DYNC2I1: variants seen among roughly 807,000 people sequenced by gnomAD.
The protein encoded by DYNC2I1 is dynein 2 intermediate chain 1.
In DYNC2I1, 89 loss-of-function variants were observed where a neutral mutation model predicts 133.4. The ratio of observed to expected loss-of-function variants is 0.67; its 90% confidence interval spans 0.56 to 0.80. DYNC2I1 has a LOEUF of 0.80. Ranked by LOEUF, DYNC2I1 falls within the 30% of genes least tolerant of loss-of-function variation. The pLI is 0.00. For missense variants in DYNC2I1, 1,291 were observed against 1,314.5 expected, an observed-to-expected ratio of 0.98 and a Z score of 0.28; for synonymous variants, 504 against 484.3, an observed-to-expected ratio of 1.04 and a Z score of -0.54.
intron 11 of DYNC2I1, among the ~76,000 whole-genome samples, chr7:158,907,669 G>C (rs117538909): frequency 2.0e-5 from 3 of 152,110 alleles, no homozygotes; most frequent in African/African-American, 7.2e-5. Flanking sequence ...GAATGCAGTG[G>C]CATGATCTTG....
chr7:158,931,710 T>G (rs938941230), intron 21 of DYNC2I1, among the ~76,000 whole-genome samples: 2 of 152,356 alleles, frequency 1.3e-5, no homozygotes, highest in Middle Eastern at 6.8e-3. Flanking sequence ...TAGCAGTGTC[T>G]TCCTGAGATC....
At chr7:158,906,185 T>TAGTGG in intron 11 of DYNC2I1, 94 bp downstream of exon 11, 5 of 1,076,472 alleles carry the variant, frequency 4.6e-6, no homozygotes, top group Non-Finnish European at 6.8e-6. Flanking sequence ...AAAATGCATT[T>TAGTGG]TTACTACTGT....
chr7:158,942,153 G>C lies in DYNC2I1; in HGVS notation c.3002+5G>C, dbSNP rs1248974704. The C allele has an allele frequency of 2.0e-6, 3 of 1,534,442 alleles. No homozygotes were observed. The Admixed American group carries it at 5.8e-5, about 29-fold the overall frequency. On this transcript the variant is annotated splice_donor_5th_base_variant and intron_variant, in intron 24 of 24. Transcript: ENST00000407559. ...ACAGCAGGTCTCCCCCAACAGGCAA[G>C]TGGGGAAGCTCTGGACCAGCTGCTG...
chr7:158,860,740 G>T (rs1049124534), intron 1 of DYNC2I1, among the ~76,000 whole-genome samples: 2 of 152,172 alleles, frequency 1.3e-5, no homozygotes, highest in African/African-American at 4.8e-5. Context: ...ATCATAGCTT[G>T]AAAAATGTAG....
intron 11 of DYNC2I1, among the ~76,000 whole-genome samples, chr7:158,909,656 G>A (rs931645905): frequency 1.3e-5 from 2 of 152,134 alleles, no homozygotes; most frequent in Non-Finnish European, 2.9e-5. Flanking sequence ...TGAATATACC[G>A]GAGCAACCAA....
intron 8 of DYNC2I1, among the ~76,000 whole-genome samples, chr7:158,900,476 T>G (rs1316003788): frequency 6.6e-6 from 1 of 152,166 alleles, no homozygotes; most frequent in Non-Finnish European, 1.5e-5. Flanking sequence ...CCATCTGGCT[T>G]CTTTCAGGAT....
rs1430349758 is a variant in DYNC2I1, at chr7:158,880,789, A to G, written c.879+800A>G. ...CTTAGGATTTTCCTAGAGGTGTTTT[A>G]GCACCTTTTGTTCTCATGAGTGTGC... On this transcript the variant is annotated intron_variant, in intron 5 of 24. Transcript: ENST00000407559. Among the ~76,000 whole-genome samples, 3 of 152,158 alleles carry G rather than the reference A, an allele frequency of 2.0e-5. No homozygotes were observed. The East Asian group carries it at 5.8e-4, about 29-fold the overall frequency.
At position 158,926,429 on chromosome 7, in the gene DYNC2I1, C is replaced by G. The variant is rs776607015; in HGVS notation, c.2399C>G (p.Ala800Gly). The G allele has an allele frequency of 5.6e-6, 9 of 1,613,402 alleles. No homozygotes were observed. The highest frequency in any genetic ancestry group is 1.6e-4 in the Middle Eastern group (1 of 6,076). Reference protein sequence around the residue: ...EEMSGLSFHIASLDESGVLNV... With the variant: ...EEMSGLSFHIGSLDESGVLNV... Reference sequence around the variant, plus strand: ...ATGTCAGGTTTGTCCTTCCACATCGCTTCCTTGGATGAGAGTGGGGTTCTC... The same window carrying G: ...ATGTCAGGTTTGTCCTTCCACATCGGTTCCTTGGATGAGAGTGGGGTTCTC... Residue 800 changes from alanine (A) to glycine (G), a missense_variant, in exon 19 of 25, where the codon GCT (alanine) becomes GGT (glycine). Ala to Gly is a moderately conservative substitution (Grantham distance 60). Coordinates refer to ENST00000407559, the MANE Select transcript of DYNC2I1 (RefSeq NM_018051.5).
chr7:158,936,764 A>G (rs1850797833), intron 23 of DYNC2I1, among the ~76,000 whole-genome samples: 1 of 152,234 alleles, frequency 6.6e-6, no homozygotes, highest in African/African-American at 2.4e-5. Flanking sequence ...TGACACAGGC[A>G]GGGAGACTTC....
rs560949128 is a variant in DYNC2I1 at position 158,887,912 on chromosome 7, T to C, written c.990+837T>C. Among the ~76,000 whole-genome samples, 170 of 152,318 alleles carry C rather than the reference T, an allele frequency of 1.1e-3. 1 individual carries two copies. Among genetic ancestry groups the C allele is most frequent in the Non-Finnish European group, 2.0e-3 (135 of 68,024 alleles). On this transcript the variant is annotated intron_variant, in intron 7 of 24. Coordinates refer to ENST00000407559, the MANE Select transcript of DYNC2I1 (RefSeq NM_018051.5). ...CATCAGCGTTTCTCCACAGTCTTCATTATCTTCACTGTCTCCATTAGGATC... is the reference window on the plus strand; with the variant it reads ...CATCAGCGTTTCTCCACAGTCTTCACTATCTTCACTGTCTCCATTAGGATC...
At chr7:158,889,650 C>G (rs550243651) in intron 7 of DYNC2I1, among the ~76,000 whole-genome samples, 1 of 151,668 alleles carries the variant, frequency 6.6e-6, no homozygotes, top group Non-Finnish European at 1.5e-5. Context: ...GCCAGATGTT[C>G]GAGACCAGCC....
chr7:158,841,158 A>AATATATAT, the DYNC2I1 span, among the ~76,000 whole-genome samples: 2 of 66,494 alleles, frequency 3.0e-5, no homozygotes, highest in Non-Finnish European at 5.7e-5. Flanking sequence ...TAGGTCTGCA[A>AATATATAT]ATATATATAT....
chr7:158,887,567 G>A (rs1392669005), intron 7 of DYNC2I1, among the ~76,000 whole-genome samples: 1 of 152,186 alleles, frequency 6.6e-6, no homozygotes, highest in East Asian at 1.9e-4. Context: ...ATATTTTATG[G>A]TAACAAATTA....
the DYNC2I1 span, among the ~76,000 whole-genome samples, chr7:158,840,256 A>G: frequency 6.6e-6 from 1 of 152,128 alleles, no homozygotes; most frequent in Non-Finnish European, 1.5e-5. Context: ...TACAAAAAAA[A>G]AAATCAGAAA....
intron 20 of DYNC2I1, among the ~76,000 whole-genome samples, chr7:158,929,280 T>C (rs1205929813): frequency 6.6e-6 from 1 of 152,240 alleles, no homozygotes; most frequent in Non-Finnish European, 1.5e-5. Context: ...AAATGTTCTC[T>C]GCATAAGCGA....
intron 15 of DYNC2I1, among the ~76,000 whole-genome samples, chr7:158,921,889 T>G (rs1381875014): frequency 6.6e-6 from 1 of 152,200 alleles, no homozygotes; most frequent in Non-Finnish European, 1.5e-5. Context: ...GTGGCAACAG[T>G]AACGCCTTGG....
intron 20 of DYNC2I1, 149 bp from the exon 21 acceptor site, chr7:158,930,306 A>C: frequency 1.3e-6 from 1 of 743,790 alleles, no homozygotes; most frequent in Non-Finnish European, 2.4e-6. Context: ...CACCCAGAGG[A>C]AGGGAGGGAT....
Position 158,879,737 on chromosome 7 carries a change from A to G in DYNC2I1, c.627A>G (p.Glu209=). ...CTCTCAAGTACTGGCTTTATAAAGA[A>G]GAAGGCGAGAGGAGACACAGGAAGC... is the stretch of plus-strand genomic sequence containing the variant. ...DNPLKYWLYK[E]EGERRHRKPR... The change falls in exon 5 of 25, where the codon GAA becomes GAG. Residue 209 remains glutamate (E), a synonymous_variant. Coordinates refer to ENST00000407559, the MANE Select transcript of DYNC2I1 (RefSeq NM_018051.5). 1 of 1,601,090 alleles carries G rather than the reference A, an allele frequency of 6.2e-7. No homozygotes were observed. The highest frequency in any genetic ancestry group is 1.4e-5 in the African/African-American group (1 of 73,330).
intron 17 of DYNC2I1, among the ~76,000 whole-genome samples, chr7:158,925,169 C>T (rs941611196): frequency 2.4e-4 from 36 of 152,304 alleles, no homozygotes; most frequent in Non-Finnish European, 3.5e-4. Flanking sequence ...AATTCTCACC[C>T]GGGAGACCAG....
Sources: allele counts gnomAD v4.1 joint callset (sites outside exome capture counted in the v4.1 genomes callset), GRCh38; gene constraint gnomAD v4.1.1; transcripts MANE v1.5; gene names NCBI Gene and HGNC (gene_info 2026-07-23, HGNC 2026-07-21).